MAP3K21: variants seen among roughly 807,000 people sequenced by gnomAD.
MAP3K21 encodes mitogen-activated protein kinase kinase kinase MLK4.
In MAP3K21, 63 loss-of-function variants were observed where a neutral mutation model predicts 86.1. That is an observed-to-expected ratio of 0.73 (90% CI 0.60 to 0.90). The LOEUF is 0.90. Ranked by LOEUF, MAP3K21 falls within the 40% of genes least tolerant of loss-of-function variation. MAP3K21 has a pLI of 0.00. For synonymous variants in MAP3K21, 558 were observed against 564.8 expected (o/e 0.99, Z 0.17); for missense variants, 1,220 against 1,367.7 (o/e 0.89, Z 1.70).
At chr1:233,378,845 A>G in intron 8 of MAP3K21, 86 bp from the exon 9 acceptor site, 1 of 946,648 alleles carries the variant, frequency 1.1e-6, no homozygotes, top group Non-Finnish European at 1.6e-6. Context: ...TGTATTTATT[A>G]TATTTTAGCT....
intron 4 of MAP3K21, among the ~76,000 whole-genome samples, chr1:233,359,667 A>AC (rs1663430092): frequency 6.6e-6 from 1 of 151,514 alleles, no homozygotes; most frequent in African/African-American, 2.4e-5. Flanking sequence ...CCTGTCTGTG[A>AC]CCCCCCACAC....
Position 233,358,573 on chromosome 1 carries a change from G to A in MAP3K21, c.1312-3480G>A, listed in dbSNP as rs549883074. Among the ~76,000 whole-genome samples the A allele has an allele frequency of 5.6e-4, 85 of 151,228 alleles. 1 individual carries two copies. Among genetic ancestry groups the A allele is most frequent in the Admixed American group, 5.3e-4 (8 of 15,168 alleles). ...AAAGATTTTGAAGAGCAGGAAAAGC[G>A]TTTGAGAAAGAAATAAAGCTTCAAA... On this transcript the variant is annotated intron_variant, in intron 4 of 9. Transcript: ENST00000366624.
Position 233,379,147 on chromosome 1 carries a change from C to G in MAP3K21, c.2141C>G (p.Pro714Arg). 1.2e-6 allele frequency: 2 copies of G among 1,614,192 alleles called. No homozygotes were observed. The highest frequency in any genetic ancestry group is 1.3e-5 in the African/African-American group (1 of 75,056). ...CCTACGAATAGTCTGAGTAGATCCC[C>G]CCAGAGAAAGAAAACGGAGTCAGCT... ...MTPTNSLSRS[P>R]QRKKTESALY... Residue 714 changes from proline to arginine, a missense_variant, in exon 9 of 10, where the codon CCC becomes CGC. By Grantham distance (103) the Pro-to-Arg change is moderately radical (BLOSUM62 -2). Coordinates refer to ENST00000366624, the MANE Select transcript of MAP3K21 (RefSeq NM_032435.3).
chr1:233,346,945 G>T (rs1663152839), intron 2 of MAP3K21, among the ~76,000 whole-genome samples: 1 of 152,176 alleles, frequency 6.6e-6, no homozygotes, highest in Non-Finnish European at 1.5e-5. Flanking sequence ...ATGCAATCAT[G>T]GCTCATTGTA....
Position 233,350,490 on chromosome 1 carries a change from C to T in MAP3K21, c.987-3317C>T, listed in dbSNP as rs76614441. 6.1e-3 allele frequency among the ~76,000 whole-genome samples: 925 copies of T among 152,116 alleles called. 20 individuals carry two copies. The East Asian group carries it at 0.062, about 10-fold the overall frequency. On this transcript the variant is annotated intron_variant, in intron 2 of 9. Transcript: ENST00000366624. Reference sequence around the variant, plus strand: ...GATACCATTGCTGTAAAGTCTCTTTCGATGATATTTCCATAAAAAAAAGTT... The same window carrying T: ...GATACCATTGCTGTAAAGTCTCTTTTGATGATATTTCCATAAAAAAAAGTT...
chr1:233,355,109 T>A, intron 4 of MAP3K21, 98 bp downstream of exon 4: 8 of 855,186 alleles, frequency 9.4e-6, no homozygotes, highest in Non-Finnish European at 1.4e-5. Flanking sequence ...AAAAATATCT[T>A]TAGATATCAA....
At position 233,346,637 on chromosome 1, in the gene MAP3K21, T is replaced by C; in HGVS notation, c.986+15T>C. ...GACATCTGGAGGTGAGCCTTTCCTT[T>C]TGCAAACATCGGCAGAAACTGCTTG... is the stretch of plus-strand genomic sequence containing the variant. On this transcript the variant is annotated intron_variant, in intron 2 of 9. Coordinates refer to ENST00000366624, the MANE Select transcript of MAP3K21 (RefSeq NM_032435.3). 1 of 1,610,770 alleles carries C rather than the reference T, an allele frequency of 6.2e-7. No homozygotes were observed.
chr1:233,353,722 G>C, intron 2 of MAP3K21, 85 bp from the exon 3 acceptor site: 6 of 1,264,108 alleles, frequency 4.7e-6, no homozygotes, highest in African/African-American at 1.5e-5. Flanking sequence ...ATGGATGAAG[G>C]TACTGAAGGG....
intron 2 of MAP3K21, among the ~76,000 whole-genome samples, chr1:233,353,029 A>C (rs1397880389): frequency 6.6e-6 from 1 of 152,192 alleles, no homozygotes; most frequent in Non-Finnish European, 1.5e-5. Flanking sequence ...TCGGCTCTTC[A>C]TGGTAAACAT....
intron 2 of MAP3K21, among the ~76,000 whole-genome samples, chr1:233,350,029 G>GT (rs774000864): frequency 4.3e-4 from 66 of 152,000 alleles, no homozygotes; most frequent in Non-Finnish European, 7.5e-4. Flanking sequence ...TTCACCTGAG[G>GT]TTTTTTCCCG....
chr1:233,337,469 TTG>T (rs1209430583), intron 1 of MAP3K21, among the ~76,000 whole-genome samples: 4 of 152,282 alleles, frequency 2.6e-5, no homozygotes, highest in Admixed American at 2.6e-4. Flanking sequence ...TTTCCTAATG[TTG>T]TGTGTGTGTG....
intron 5 of MAP3K21, among the ~76,000 whole-genome samples, chr1:233,371,520 C>T (rs183774329): frequency 2.0e-5 from 3 of 152,032 alleles, no homozygotes; most frequent in South Asian, 2.1e-4. Flanking sequence ...GCCACCATGC[C>T]GGCTAATTTT....
chr1:233,365,357 A>G (rs980641184), intron 5 of MAP3K21, among the ~76,000 whole-genome samples: 3 of 152,232 alleles, frequency 2.0e-5, no homozygotes, highest in Non-Finnish European at 4.4e-5. Flanking sequence ...AGAATGGGAG[A>G]AGATATTAGT....
chr1:233,347,275 T>C (rs969405951), intron 2 of MAP3K21, among the ~76,000 whole-genome samples: 1 of 152,182 alleles, frequency 6.6e-6, no homozygotes, highest in African/African-American at 2.4e-5. Context: ...AGAAAAAAAT[T>C]TAGACCTATC....
At chr1:233,362,551 GGATTAACT>G (rs1350294239) in intron 5 of MAP3K21, among the ~76,000 whole-genome samples, 1 of 152,150 alleles carries the variant, frequency 6.6e-6, no homozygotes, top group Non-Finnish European at 1.5e-5. Context: ...TCATATTGAT[GGATTAACT>G]GATTGACTCC....
rs373140196 is a variant in MAP3K21, at chr1:233,362,187, G to T, written c.1446G>T (p.Leu482=). 6.2e-7 allele frequency: 1 copy of T among 1,614,188 alleles called. No individual in the cohort carries two copies. Among genetic ancestry groups the T allele is most frequent in the Admixed American group, 1.7e-5 (1 of 60,016 alleles). Residue 482 remains leucine (L), a synonymous_variant, in exon 5 of 10, where the codon CTG becomes CTT. Transcript: ENST00000366624. ...TGCTGGAGCGGGAACTTAACATTCT[G>T]ATATTCCAGCTAAACCAGGAGAAGC... The part of the protein sequence containing the change: ...IDVLERELNI[L]IFQLNQEKPK...
chr1:233,371,456 G>A (rs1198572203), intron 5 of MAP3K21, among the ~76,000 whole-genome samples: 1 of 152,142 alleles, frequency 6.6e-6, no homozygotes, highest in Non-Finnish European at 1.5e-5. Context: ...CACCTCCCAG[G>A]TTCAAGTGAT....
In MAP3K21 at chr1:233,328,336, C is replaced by T; in HGVS notation, c.308C>T (p.Ala103Val). ...PANYVAPCRP[A>V]ASPAPPPSRP... ...AACTACGTGGCTCCCTGCCGCCCGGCCGCCAGCCCCGCGCCGCCGCCCTCG... is the reference window on the plus strand; with the variant it reads ...AACTACGTGGCTCCCTGCCGCCCGGTCGCCAGCCCCGCGCCGCCGCCCTCG... Residue 103 changes from alanine (A) to valine (V), a missense_variant, in exon 1 of 10, where the codon GCC becomes GTC. By Grantham distance (64) the Ala-to-Val change is moderately conservative. This residue lies in a region of MAP3K21 where 369 missense variants were observed against 385.3 expected (regional missense o/e 0.96). Transcript: ENST00000366624. The surrounding 1 kb of genome is among the most constrained non-coding windows in gnomAD (Gnocchi z 8.7). The T allele has an allele frequency of 6.8e-7, 1 of 1,469,428 alleles. No homozygotes were observed. 91.0% of individuals were successfully genotyped at this position (1,469,428 alleles called of 1,614,324 possible). A position where few individuals can be genotyped will look rare whatever the true frequency, so the allele number is the denominator to read the frequency against.
rs2102754154 is a variant in MAP3K21 at position 233,327,847 on chromosome 1, A to G, written c.-182A>G. ...CGGCAGCAGAGGCGGCTGGCCAGGA[A>G]CGCGGGCCGAGGCTGGACCCTTTGG... On this transcript the variant is annotated 5_prime_UTR_variant, in exon 1 of 10. Transcript: ENST00000366624. The G allele has an allele frequency of 4.9e-6, 2 of 409,330 alleles. No individual in the cohort carries two copies. 25.4% of individuals were successfully genotyped at this position (409,330 alleles called of 1,614,324 possible).
Sources: allele counts gnomAD v4.1 joint callset (sites outside exome capture counted in the v4.1 genomes callset), GRCh38; gene constraint gnomAD v4.1.1; regional missense constraint gnomAD v4.1.1; non-coding constraint Gnocchi (gnomAD v3.1); transcripts MANE v1.5; gene names NCBI Gene and HGNC (gene_info 2026-07-23, HGNC 2026-07-21).